The following ABCC4 variants were observed in gnomAD, a reference collection of about 807,000 sequenced individuals.
The protein encoded by ABCC4 is ATP-binding cassette sub-family C member 4.
ABCC4 carries 102 observed loss-of-function variants against 168.5 expected under a neutral mutation model. The observed-to-expected ratio is 0.61, with a 90% CI of 0.52 to 0.71. The LOEUF (loss-of-function observed/expected upper bound fraction) is 0.71, where lower values mean the gene tolerates loss of function less well. Among genes scored for constraint, ABCC4 ranks in the 30% least tolerant of loss-of-function variants. ABCC4 has a pLI of 0.00. For missense variants in ABCC4, 1,402 were observed against 1,605.8 expected (o/e 0.87, Z 2.17); for synonymous variants, 617 against 590.7 (o/e 1.04, Z -0.65).
intron 11 of ABCC4, among the ~76,000 whole-genome samples, chr13:95,180,697 T>C (rs991924001): frequency 1.3e-5 from 2 of 152,264 alleles, no homozygotes; most frequent in African/African-American, 4.8e-5. Flanking sequence ...CCATTGCTGA[T>C]GGTCTTTATA....
chr13:95,201,695 G>A (rs548228114), intron 8 of ABCC4, among the ~76,000 whole-genome samples: 31 of 152,252 alleles, frequency 2.0e-4, no homozygotes, highest in Non-Finnish European at 2.8e-4. Flanking sequence ...GTGATGGGCC[G>A]GGTGCGGTGG....
rs2038822787 is a variant in ABCC4, at chr13:95,207,738, C to T, written c.911+62G>A. 3 of 1,542,734 alleles carry T rather than the reference C, an allele frequency of 1.9e-6. No homozygotes were observed. In the Admixed American group the frequency reaches 5.9e-5, roughly 30 times the overall value. Reference sequence around the variant, plus strand: ...GAAAACATAGTAAAACTTCTAAAACCATCAACAAGAATAGCAAATAGAAAA... The same window carrying T: ...GAAAACATAGTAAAACTTCTAAAACTATCAACAAGAATAGCAAATAGAAAA... On this transcript the variant is annotated intron_variant, in intron 7 of 30. Transcript: ENST00000645237.
intron 19 of ABCC4, among the ~76,000 whole-genome samples, chr13:95,142,202 G>A (rs2036340404): frequency 6.6e-6 from 1 of 152,142 alleles, no homozygotes; most frequent in Admixed American, 6.5e-5. Context: ...ATCAACAAGT[G>A]GATAAAGAAA....
Position 95,301,355 on chromosome 13 carries a change from C to A in ABCC4, c.-41G>T. On this transcript the variant is annotated 5_prime_UTR_variant, in exon 1 of 31. Transcript: ENST00000645237. Reference sequence around the variant, plus strand: ...GGGCGCGGGCCGGGGTCGCGCTGATCAGGCGGCGGTGGCCGCGGGCTCCGC... The same window carrying A: ...GGGCGCGGGCCGGGGTCGCGCTGATAAGGCGGCGGTGGCCGCGGGCTCCGC... 1.3e-6 allele frequency: 2 copies of A among 1,537,588 alleles called. No homozygotes were observed. The highest frequency in any genetic ancestry group is 8.8e-7 in the Non-Finnish European group (1 of 1,141,626).
intron 4 of ABCC4, among the ~76,000 whole-genome samples, chr13:95,226,182 C>G (rs2039461875): frequency 1.3e-5 from 2 of 149,376 alleles, no homozygotes; most frequent in South Asian, 4.3e-4. Context: ...ATTCTAAGAC[C>G]ATGTCTTAGA....
At chr13:95,045,213 C>T (rs1006293745) in intron 27 of ABCC4, among the ~76,000 whole-genome samples, 1 of 152,160 alleles carries the variant, frequency 6.6e-6, no homozygotes, top group Non-Finnish European at 1.5e-5. Context: ...CTGGTTGAGT[C>T]AAGTTTCCCA....
At chr13:95,264,696 A>G (rs547215723) in intron 1 of ABCC4, among the ~76,000 whole-genome samples, 1 of 152,268 alleles carries the variant, frequency 6.6e-6, no homozygotes, top group South Asian at 2.1e-4. Context: ...CGCTAAATAC[A>G]TTATAGGATC....
chr13:95,230,583 T>C (rs1245546962), intron 4 of ABCC4, among the ~76,000 whole-genome samples: 1 of 152,194 alleles, frequency 6.6e-6, no homozygotes, highest in Non-Finnish European at 1.5e-5. Flanking sequence ...GAGATCAGTC[T>C]GGCCAACATG....
chr13:95,146,306 T>C (rs961374445), intron 19 of ABCC4, among the ~76,000 whole-genome samples: 1 of 152,120 alleles, frequency 6.6e-6, no homozygotes, highest in Non-Finnish European at 1.5e-5. Context: ...TCAGGTACTT[T>C]GCTCATTACC....
intron 4 of ABCC4, among the ~76,000 whole-genome samples, chr13:95,232,317 G>A (rs2039644879): frequency 6.6e-6 from 1 of 152,174 alleles, no homozygotes; most frequent in Non-Finnish European, 1.5e-5. Context: ...CCATGTCAAA[G>A]GAAGACTTGG....
At chr13:95,267,053 T>G (rs1230021679) in intron 1 of ABCC4, among the ~76,000 whole-genome samples, 1 of 151,960 alleles carries the variant, frequency 6.6e-6, no homozygotes, top group Non-Finnish European at 1.5e-5. Flanking sequence ...TGTTTTGTAT[T>G]TTTAGTAGAG....
At chr13:95,136,235 C>T (rs1329210397) in intron 19 of ABCC4, among the ~76,000 whole-genome samples, 1 of 151,912 alleles carries the variant, frequency 6.6e-6, no homozygotes, top group East Asian at 1.9e-4. Flanking sequence ...TATAGTGGTG[C>T]AATCTCGGCT....
At chr13:95,231,078 C>T (rs1396774907) in intron 4 of ABCC4, among the ~76,000 whole-genome samples, 1 of 152,098 alleles carries the variant, frequency 6.6e-6, no homozygotes, top group Non-Finnish European at 1.5e-5. Flanking sequence ...TACCTAGAGT[C>T]ATCAAATTCA....
At position 95,178,067 on chromosome 13, in the gene ABCC4, C is replaced by T. The variant is rs1374989434; in HGVS notation, c.1570G>A (p.Asp524Asn). The T allele has an allele frequency of 6.2e-7, 1 of 1,614,166 alleles. No individual in the cohort carries two copies. The highest frequency in any genetic ancestry group is 8.5e-7 in the Non-Finnish European group (1 of 1,179,998). Residue 524 changes from aspartate to asparagine, a missense_variant, in exon 12 of 31, where the codon GAT becomes AAT. Physicochemically the swap from Asp to Asn is conservative, Grantham distance 23. This residue lies in a region of ABCC4 where 1,007 missense variants were observed against 1,127.3 expected (regional missense o/e 0.89). Transcript: ENST00000645237. ...CCCCGATCTCCTATCACAGTCAGAT[C>T]ACCATCCTCCAACAGCTGTAAATCC... ...KKDLQLLEDG[D>N]LTVIGDRGTT...
At chr13:95,218,905 A>AAGAGAGATGAGAGAGAAAG (rs2039203686) in intron 4 of ABCC4, among the ~76,000 whole-genome samples, 3 of 44,220 alleles carry the variant, frequency 6.8e-5, no homozygotes, top group Non-Finnish European at 1.5e-4. Context: ...GAGAGAGAGA[A>AAGAGAGATGAGAGAGAAAG]AGAGAGAGAG....
At chr13:95,165,328 T>C (rs556834242) in intron 15 of ABCC4, among the ~76,000 whole-genome samples, 21 of 152,312 alleles carry the variant, frequency 1.4e-4, no homozygotes, top group African/African-American at 4.6e-4. Flanking sequence ...CCTAATCTAT[T>C]TGGTTCCTGA....
intron 1 of ABCC4, among the ~76,000 whole-genome samples, chr13:95,276,594 C>G (rs1426603419): frequency 1.3e-5 from 2 of 151,968 alleles, no homozygotes; most frequent in African/African-American, 4.8e-5. Flanking sequence ...GCAGAGAAGG[C>G]AGCCACCCGC....
chr13:95,278,421 T>A (rs1000255208), intron 1 of ABCC4, among the ~76,000 whole-genome samples: 8 of 151,822 alleles, frequency 5.3e-5, no homozygotes, highest in Admixed American at 2.0e-4. Context: ...CTGGTACAGG[T>A]GAAAAGGATG....
chr13:95,130,123 G>A (rs896640772), intron 19 of ABCC4, among the ~76,000 whole-genome samples: 3 of 150,770 alleles, frequency 2.0e-5, no homozygotes, highest in African/African-American at 4.9e-5. Context: ...AAAACTTATC[G>A]TATTGCAAAT....
Sources: gnomAD v4.1 joint callset for allele counts (sites outside exome capture counted in the v4.1 genomes callset) on GRCh38, gnomAD v4.1.1 for gene constraint, gnomAD v4.1.1 regional missense constraint, MANE v1.5 for transcripts, NCBI Gene and HGNC (gene_info 2026-07-23, HGNC 2026-07-21) for gene names.